Variants in IL17B observed in about 807,000 individuals in gnomAD.
IL17B encodes the protein interleukin-17B.
IL17B carries 14 observed loss-of-function variants against 14.7 expected under a neutral mutation model. That is an observed-to-expected ratio of 0.95 (90% CI 0.63 to 1.49). The LOEUF (loss-of-function observed/expected upper bound fraction) is 1.49, where lower values mean the gene tolerates loss of function less well. Among genes scored for constraint, IL17B ranks in the 40% most tolerant of loss-of-function variants. IL17B has a pLI of 0.00. For synonymous variants in IL17B, 105 were observed against 94.8 expected (o/e 1.11, Z -0.62); for missense variants, 233 against 252.8 (o/e 0.92, Z 0.53).
chr5:149,391,481 G>A (rs1304422667), intron 1 of IL17B, among the ~76,000 whole-genome samples: 1 of 152,204 alleles, frequency 6.6e-6, no homozygotes, highest in Non-Finnish European at 1.5e-5. Flanking sequence ...CACACAATCA[G>A]AGAATGCAGG....
At chr5:149,387,081 G>C (rs1443866175) in intron 1 of IL17B, among the ~76,000 whole-genome samples, 1 of 150,602 alleles carries the variant, frequency 6.6e-6, no homozygotes, top group African/African-American at 2.4e-5. Flanking sequence ...CCACAGCTCA[G>C]GGGCTCTTGC....
At chr5:149,382,101 T>G (rs1342944392), upstream of IL17B, among the ~76,000 whole-genome samples, 2 of 152,190 alleles carry the variant, frequency 1.3e-5, no homozygotes, top group East Asian at 3.9e-4. Context: ...AAAAATGTAC[T>G]GACCCTGAGG....
intron 1 of IL17B, among the ~76,000 whole-genome samples, chr5:149,394,330 A>T (rs1469537064): frequency 6.6e-6 from 1 of 152,202 alleles, no homozygotes; most frequent in East Asian, 1.9e-4. Flanking sequence ...GTCTTTTGAC[A>T]AGATCAATAA....
chr5:149,388,480 G>A (rs1384061719), intron 1 of IL17B, among the ~76,000 whole-genome samples: 3 of 152,134 alleles, frequency 2.0e-5, no homozygotes, highest in South Asian at 2.1e-4. Context: ...TGATACTATT[G>A]TATATGCTCC....
chr5:149,385,627 C>T (rs1002162630), intron 1 of IL17B, among the ~76,000 whole-genome samples: 9 of 152,332 alleles, frequency 5.9e-5, no homozygotes, highest in East Asian at 1.9e-4. Flanking sequence ...CAGACAGAGG[C>T]GCCAGGCCCC....
chr5:149,400,481 C>T (rs1759183976), intron 1 of IL17B, among the ~76,000 whole-genome samples: 1 of 152,172 alleles, frequency 6.6e-6, no homozygotes, highest in Admixed American at 6.5e-5. Flanking sequence ...TTACAGCAGC[C>T]CTGCCTGACT....
intron 1 of IL17B, among the ~76,000 whole-genome samples, chr5:149,392,423 G>T (rs1026238859): frequency 2.6e-5 from 4 of 152,248 alleles, no homozygotes; most frequent in Admixed American, 6.5e-5. Flanking sequence ...GCTGTAGAAT[G>T]ATACACTCCA....
At chr5:149,397,830 C>T (rs1759121650) in intron 1 of IL17B, among the ~76,000 whole-genome samples, 1 of 152,148 alleles carries the variant, frequency 6.6e-6, no homozygotes, top group Non-Finnish European at 1.5e-5. Context: ...GTCCTAGAGT[C>T]CAAAAGCTGG....
At position 149,374,303 on chromosome 5, in the gene IL17B, T is replaced by A; in HGVS notation, c.*66A>T. The A allele has an allele frequency of 7.0e-7, 1 of 1,434,198 alleles. No individual in the cohort carries two copies. Among genetic ancestry groups the A allele is most frequent in the Non-Finnish European group, 9.3e-7 (1 of 1,076,350 alleles). 88.8% of individuals were successfully genotyped at this position (1,434,198 alleles called of 1,614,324 possible). On this transcript the variant is annotated 3_prime_UTR_variant, in exon 3 of 3. Transcript: ENST00000261796. This position sits in a 1 kb window ranked among gnomAD's most constrained non-coding sequence, Gnocchi z 5.0. ...AGTCAGTGTTTACTTTTCATAGGCC[T>A]TTCTTGGCACAAAGGTGCAAGGAGG...
intron 1 of IL17B, among the ~76,000 whole-genome samples, chr5:149,391,325 C>T (rs1020903527): frequency 1.3e-5 from 2 of 152,072 alleles, no homozygotes; most frequent in East Asian, 3.9e-4. Flanking sequence ...CCCAGCCTGT[C>T]GGGACTGGGA....
At chr5:149,399,848 T>C (rs1413605243) in intron 1 of IL17B, among the ~76,000 whole-genome samples, 2 of 152,174 alleles carry the variant, frequency 1.3e-5, no homozygotes, top group Admixed American at 6.5e-5. Context: ...ACAGAGGATG[T>C]TGGATTTAGG....
intron 1 of IL17B, among the ~76,000 whole-genome samples, chr5:149,394,248 G>A (rs374770905): frequency 5.8e-4 from 89 of 152,210 alleles, no homozygotes; most frequent in African/African-American, 2.0e-3. Context: ...AATGCATATC[G>A]CTATGGTTGT....
chr5:149,383,117 G>A (rs978744001), upstream of IL17B, among the ~76,000 whole-genome samples: 9 of 152,210 alleles, frequency 5.9e-5, no homozygotes, highest in African/African-American at 2.2e-4. Context: ...TCTGCAAAGT[G>A]AAGATAATAA....
intron 1 of IL17B, among the ~76,000 whole-genome samples, chr5:149,393,484 G>A (rs1283097204): frequency 6.6e-6 from 1 of 152,206 alleles, no homozygotes; most frequent in East Asian, 1.9e-4. Flanking sequence ...TAGAACTTCA[G>A]TGTTTAAGAC....
At chr5:149,375,764 C>T (rs1172992134) in intron 2 of IL17B, among the ~76,000 whole-genome samples, 3 of 152,118 alleles carry the variant, frequency 2.0e-5, no homozygotes, top group Admixed American at 1.3e-4. Context: ...CCTGTGGTCC[C>T]AGCTACTGGG....
At chr5:149,387,937 C>T (rs528883503) in intron 1 of IL17B, among the ~76,000 whole-genome samples, 10 of 152,112 alleles carry the variant, frequency 6.6e-5, no homozygotes, top group Non-Finnish European at 1.5e-4. Flanking sequence ...TAAGTTGGGC[C>T]CCTGAGGTCC....
chr5:149,379,240 AGGT>A lies in IL17B; in HGVS notation c.-18_-16del. The A allele has an allele frequency of 6.2e-7, 1 of 1,613,866 alleles. No homozygotes were observed. The highest frequency in any genetic ancestry group is 8.5e-7 in the Non-Finnish European group (1 of 1,179,914). ...GGCCAGTCCATTCCGCCAAGCTGCA[AGGT>A]CAGCCTGCAGCTGCTGCCCGCCTGG... On this transcript the variant is annotated 5_prime_UTR_variant, in exon 1 of 3. Coordinates refer to ENST00000261796, the MANE Select transcript of IL17B (RefSeq NM_014443.3).
chr5:149,379,805 G>A (rs1054308602), upstream of IL17B, among the ~76,000 whole-genome samples: 5 of 152,178 alleles, frequency 3.3e-5, no homozygotes, highest in African/African-American at 1.2e-4. Context: ...CACAGTCAAG[G>A]AAACTGAGGC....
At chr5:149,391,132 A>T (rs1758943209) in intron 1 of IL17B, among the ~76,000 whole-genome samples, 1 of 152,188 alleles carries the variant, frequency 6.6e-6, no homozygotes, top group African/African-American at 2.4e-5. Context: ...ATCCCCAGCT[A>T]ATTTTTGTAT....
Sources: gnomAD v4.1 joint callset for allele counts (sites outside exome capture counted in the v4.1 genomes callset) on GRCh38, gnomAD v4.1.1 for gene constraint, Gnocchi (gnomAD v3.1) non-coding constraint, MANE v1.5 for transcripts, NCBI Gene and HGNC (gene_info 2026-07-23, HGNC 2026-07-21) for gene names.